Variants in GNA15 observed in about 807,000 individuals in gnomAD.
GNA15 encodes G protein subunit alpha 15, also known as guanine nucleotide-binding protein subunit alpha-15.
GNA15 carries 23 observed loss-of-function variants against 40.1 expected under a neutral mutation model. The ratio of observed to expected loss-of-function variants is 0.57; its 90% CI spans 0.41 to 0.81. GNA15 has a LOEUF of 0.81. GNA15 is among the 40% of genes least tolerant of loss of function. GNA15 has a pLI of 0.00. For missense variants in GNA15, 522 were observed against 515.8 expected (o/e 1.01, Z -0.12); for synonymous variants, 226 against 210.4 (o/e 1.07, Z -0.64).
At chr19:3,148,823 G>T in intron 2 of GNA15, 48 bp downstream of exon 2, 5 of 1,509,714 alleles carry the variant, frequency 3.3e-6, no homozygotes, top group Non-Finnish European at 4.4e-6. Flanking sequence ...GGGGCCCAGG[G>T]CAGGGTTCCC....
chr19:3,145,359 A>T (rs184578965), intron 1 of GNA15, among the ~76,000 whole-genome samples: 12,179 of 47,388 alleles, frequency 0.26, 1,883 homozygotes, highest in Middle Eastern at 0.43. Flanking sequence ...ATATATATAT[A>T]TTTTTTTTTT....
rs1313019391 is a variant in GNA15 at position 3,163,170 on chromosome 19, T to C, written c.*151T>C. On this transcript the variant is annotated 3_prime_UTR_variant, in exon 7 of 7. Coordinates refer to ENST00000262958, the MANE Select transcript of GNA15 (RefSeq NM_002068.4). ...GACGGCCCGCTGCTGGCCGCTCTCT[T>C]CTCTGCCTCTCACCAGGACAGCCGC... 8.0e-6 allele frequency: 5 copies of C among 622,398 alleles called. No homozygotes were observed. The African/African-American group carries it at 9.1e-5, about 11-fold the overall frequency. 38.6% of individuals were successfully genotyped at this position (622,398 alleles called of 1,614,324 possible).
chr19:3,152,780 G>T (rs1914910221), intron 4 of GNA15, among the ~76,000 whole-genome samples: 1 of 152,036 alleles, frequency 6.6e-6, no homozygotes, highest in Non-Finnish European at 1.5e-5. Flanking sequence ...ACCCCTATTT[G>T]GCCTTCCTTT....
Position 3,148,572 on chromosome 19 carries a change from T to G in GNA15, c.146-19T>G. The G allele has an allele frequency of 6.5e-7, 1 of 1,549,122 alleles. No individual in the cohort carries two copies. The highest frequency in any genetic ancestry group is 1.2e-5 in the South Asian group (1 of 83,900). On this transcript the variant is annotated intron_variant, in intron 1 of 6. Transcript: ENST00000262958. ...GGAGTCCCGTGGAGGGCTGAGCGGT[T>G]CTGCTGCTCCATCCCCAGGCCCAGG...
At chr19:3,158,770 T>A (rs546378513) in intron 6 of GNA15, among the ~76,000 whole-genome samples, 129 of 152,054 alleles carry the variant, frequency 8.5e-4, no homozygotes, top group African/African-American at 2.9e-3. Flanking sequence ...TACAGGCACG[T>A]GCCACCAAGC....
In GNA15 at chr19:3,147,766, A is replaced by G. The variant is rs564211598; in HGVS notation, c.146-825A>G. Among the ~76,000 whole-genome samples the G allele has an allele frequency of 2.2e-3, 331 of 150,220 alleles. 2 individuals are homozygous for G. Among genetic ancestry groups the G allele is most frequent in the African/African-American group, 7.7e-3 (317 of 40,988 alleles). ...GCCGGGCGTGGTGGCGGGTGCCTGT[A>G]GTCCCAGCTACTCAGAGAGGCTGAG... On this transcript the variant is annotated intron_variant, in intron 1 of 6. Coordinates refer to ENST00000262958, the MANE Select transcript of GNA15 (RefSeq NM_002068.4).
chr19:3,155,230 G>T lies in GNA15; in HGVS notation c.615-593G>T, dbSNP rs1914983997. 1 of 152,766 alleles carries T rather than the reference G, an allele frequency of 6.5e-6. No individual in the cohort carries two copies. Among genetic ancestry groups the T allele is most frequent in the Non-Finnish European group, 1.5e-5 (1 of 68,494 alleles). The allele number at this position is 152,766 out of a possible 1,614,324, so 9.5% of individuals were successfully genotyped here. Reference sequence around the variant, plus strand: ...TCTGTTCTGGGACTTCCTGAGTAACGGTTGCATCCCCAGGGAAATGACGCA... The same window carrying T: ...TCTGTTCTGGGACTTCCTGAGTAACTGTTGCATCCCCAGGGAAATGACGCA... On this transcript the variant is annotated intron_variant, in intron 4 of 6. Transcript: ENST00000262958. The surrounding 1 kb of genome is among the most constrained non-coding windows in gnomAD (Gnocchi z 5.6).
chr19:3,158,557 A>G (rs1329874496), intron 6 of GNA15, among the ~76,000 whole-genome samples: 2 of 152,130 alleles, frequency 1.3e-5, no homozygotes, highest in East Asian at 1.9e-4. Context: ...ACTTCTGGAA[A>G]GATTGTCTAC....
At chr19:3,144,127 C>CA (rs367866195) in intron 1 of GNA15, among the ~76,000 whole-genome samples, 2,786 of 124,822 alleles carry the variant, frequency 0.022, 99 homozygotes, top group African/African-American at 0.075. Flanking sequence ...GACTCCCTCT[C>CA]AAAAAAAAAA....
rs761540533 is a variant in GNA15 at position 3,136,568 on chromosome 19, C to G, written c.118C>G (p.Arg40Gly). Residue 40 changes from arginine (R) to glycine (G), a missense_variant, in exon 1 of 7, where the codon CGC (arginine) becomes GGC (glycine). Transcript: ENST00000262958. The surrounding 1 kb of genome is among the most constrained non-coding windows in gnomAD (Gnocchi z 4.9). ...RILLEQKKQDRGELKLLLLGP... is the reference protein window; with the variant it reads ...RILLEQKKQDGGELKLLLLGP... ...CCTCTTGGAGCAGAAGAAGCAGGACCGCGGGGAGCTGAAGCTGCTGCTTTT... is the reference window on the plus strand; with the variant it reads ...CCTCTTGGAGCAGAAGAAGCAGGACGGCGGGGAGCTGAAGCTGCTGCTTTT... 23 of 1,565,404 alleles carry G rather than the reference C, an allele frequency of 1.5e-5. No homozygotes were observed. Among genetic ancestry groups the G allele is most frequent in the Non-Finnish European group, 1.9e-5 (22 of 1,155,438 alleles).
In GNA15 at chr19:3,136,427, G is replaced by C. The variant is rs964868296; in HGVS notation, c.-24G>C. ...CAGGGGCCCGGGGGCGATGCCACCC[G>C]GTGCCGACTGAGGCCACCGCACCAT... On this transcript the variant is annotated 5_prime_UTR_variant, in exon 1 of 7. Coordinates refer to ENST00000262958, the MANE Select transcript of GNA15 (RefSeq NM_002068.4). The surrounding 1 kb of genome is among the most constrained non-coding windows in gnomAD (Gnocchi z 4.9). 3.3e-5 allele frequency: 51 copies of C among 1,545,646 alleles called. No individual in the cohort carries two copies. Among genetic ancestry groups the C allele is most frequent in the Non-Finnish European group, 4.3e-5 (49 of 1,145,160 alleles).
At chr19:3,144,938 C>T (rs1599321474) in intron 1 of GNA15, among the ~76,000 whole-genome samples, 1 of 151,904 alleles carries the variant, frequency 6.6e-6, no homozygotes, top group African/African-American at 2.4e-5. Flanking sequence ...AAGCAATTCT[C>T]CTGCCTCAGC....
chr19:3,138,955 C>CT (rs1568291962), intron 1 of GNA15, among the ~76,000 whole-genome samples: 1 of 94,644 alleles, frequency 1.1e-5, no homozygotes, highest in South Asian at 3.7e-4. Flanking sequence ...TTTTTTTTTT[C>CT]TTTTTTTTTA....
At chr19:3,158,195 G>C (rs141559216) in intron 6 of GNA15, among the ~76,000 whole-genome samples, 1 of 152,252 alleles carries the variant, frequency 6.6e-6, no homozygotes, top group Non-Finnish European at 1.5e-5. Context: ...CTGTCACCAG[G>C]CTGGAGTGCA....
chr19:3,153,489 G>T (rs1914928853), intron 4 of GNA15, among the ~76,000 whole-genome samples: 1 of 151,288 alleles, frequency 6.6e-6, no homozygotes, highest in Admixed American at 6.6e-5. Flanking sequence ...TGGATGGATG[G>T]TTAGATGGGT....
chr19:3,145,350 TATATATATA>T (rs976676343), intron 1 of GNA15, among the ~76,000 whole-genome samples: 63 of 34,262 alleles, frequency 1.8e-3, no homozygotes, highest in Non-Finnish European at 3.0e-3. Context: ...TATATATATA[TATATATATA>T]TTTTTTTTTT....
chr19:3,140,013 A>G (rs529061629), intron 1 of GNA15, among the ~76,000 whole-genome samples: 21 of 151,600 alleles, frequency 1.4e-4, no homozygotes, highest in African/African-American at 4.9e-4. Context: ...AGCCTAGGCA[A>G]TAAGAGTGAA....
At position 3,151,727 on chromosome 19, in the gene GNA15, G is replaced by A. The variant is rs751779470; in HGVS notation, c.506G>A (p.Arg169His). The change falls in exon 4 of 7, where the codon CGC becomes CAC. Residue 169 changes from arginine (R) to histidine (H), a missense_variant. Arg to His is a conservative substitution (Grantham distance 29, BLOSUM62 0). Transcript: ENST00000262958. The surrounding 1 kb of genome is among the most constrained non-coding windows in gnomAD (Gnocchi z 5.0). ...SAVYYLSHLE[R>H]ITEEGYVPTA... ...TGCAGCTACCTGTCCCACCTGGAGC[G>A]CATCACCGAGGAGGGCTACGTCCCC... 18 of 1,604,312 alleles carry A rather than the reference G, an allele frequency of 1.1e-5. No individual in the cohort carries two copies. In the East Asian group the frequency reaches 1.8e-4, roughly 16 times the overall value.
intron 5 of GNA15, among the ~76,000 whole-genome samples, chr19:3,157,468 C>T (rs553933394): frequency 6.6e-6 from 1 of 152,210 alleles, no homozygotes; most frequent in Non-Finnish European, 1.5e-5. Context: ...AATCTCTCTC[C>T]AGATAAGGTC....
Sources: allele counts gnomAD v4.1 joint callset (sites outside exome capture counted in the v4.1 genomes callset), GRCh38; gene constraint gnomAD v4.1.1; non-coding constraint Gnocchi (gnomAD v3.1); transcripts MANE v1.5; gene names NCBI Gene and HGNC (gene_info 2026-07-23, HGNC 2026-07-21).